LGSN: variants seen among roughly 807,000 people sequenced by gnomAD.
LGSN encodes the protein lengsin, lens protein with glutamine synthetase domain.
A neutral mutation model predicts 19.5 loss-of-function variants in LGSN; 21 were observed. The ratio of observed to expected loss-of-function variants is 1.07; its 90% confidence interval spans 0.76 to 1.55. The LOEUF is 1.55. Among genes scored for constraint, LGSN ranks in the 40% most tolerant of loss-of-function variants. The pLI, the probability that LGSN is intolerant of heterozygous loss-of-function variation, is 0.00. For missense variants in LGSN, 673 were observed against 608.5 expected, an observed-to-expected ratio of 1.11 and a Z score of -1.12; for synonymous variants, 257 against 215.6, an observed-to-expected ratio of 1.19 and a Z score of -1.68.
At chr6:63,364,551 T>C in the LGSN span, among the ~76,000 whole-genome samples, 7 of 152,034 alleles carry the variant, frequency 4.6e-5, no homozygotes, top group Non-Finnish European at 8.8e-5. Context: ...AACAAGGATA[T>C]CCAGGAATTG....
At chr6:63,513,444 G>A in the LGSN span, among the ~76,000 whole-genome samples, 2 of 151,972 alleles carry the variant, frequency 1.3e-5, no homozygotes, top group African/African-American at 4.8e-5. Context: ...GGGAGCCATG[G>A]ATAATGGTTA....
the LGSN span, chr6:63,441,821 C>T: frequency 1.6e-5 from 5 of 314,458 alleles, no homozygotes; most frequent in Admixed American, 2.1e-4. Flanking sequence ...GCTGCTGCTG[C>T]TGCTTTGTGC....
the LGSN span, among the ~76,000 whole-genome samples, chr6:63,506,598 A>T: frequency 6.6e-6 from 1 of 152,102 alleles, no homozygotes; most frequent in Non-Finnish European, 1.5e-5. Flanking sequence ...TTCCTTATTC[A>T]TTCTGTTCAC....
At chr6:63,384,089 TCACCCATAAACCACAAAC>T in the LGSN span, among the ~76,000 whole-genome samples, 1 of 152,120 alleles carries the variant, frequency 6.6e-6, no homozygotes, top group Non-Finnish European at 1.5e-5. Context: ...CCAACCCAAA[TCACCCATAAACCACAAAC>T]CTATGATGAT....
chr6:63,377,515 T>C, the LGSN span, among the ~76,000 whole-genome samples: 1 of 152,160 alleles, frequency 6.6e-6, no homozygotes, highest in South Asian at 2.1e-4. Flanking sequence ...CATGGTGTGA[T>C]AAGTGCAGGA....
At chr6:63,343,050 A>G in the LGSN span, among the ~76,000 whole-genome samples, 1 of 152,234 alleles carries the variant, frequency 6.6e-6, no homozygotes, top group East Asian at 1.9e-4. Flanking sequence ...TAATGACATT[A>G]TAAAATTTGT....
the LGSN span, among the ~76,000 whole-genome samples, chr6:63,484,542 T>A: frequency 6.6e-6 from 1 of 151,260 alleles, no homozygotes; most frequent in African/African-American, 2.4e-5. Context: ...AGAAAAAAAA[T>A]CCCAGAAGAC....
chr6:63,290,211 A>T (rs1338622873), intron 2 of LGSN, among the ~76,000 whole-genome samples: 1 of 152,218 alleles, frequency 6.6e-6, no homozygotes, highest in Non-Finnish European at 1.5e-5. Flanking sequence ...CTGAAGGCCT[A>T]TAGAGAACTT....
chr6:63,363,173 C>T, the LGSN span, among the ~76,000 whole-genome samples: 1 of 152,216 alleles, frequency 6.6e-6, no homozygotes, highest in Non-Finnish European at 1.5e-5. Flanking sequence ...TAAAGGACAT[C>T]TACACCAAAA....
the LGSN span, among the ~76,000 whole-genome samples, chr6:63,328,850 G>T: frequency 6.6e-6 from 1 of 152,308 alleles, no homozygotes; most frequent in East Asian, 1.9e-4. Flanking sequence ...GAGGAGCCTG[G>T]CTATCTCGCT....
the LGSN span, among the ~76,000 whole-genome samples, chr6:63,503,351 A>G: frequency 6.6e-6 from 1 of 152,230 alleles, no homozygotes; most frequent in Non-Finnish European, 1.5e-5. Flanking sequence ...ATCAGACTTC[A>G]TCGCCTGGAA....
intron 1 of LGSN, among the ~76,000 whole-genome samples, chr6:63,310,392 T>C (rs946989784): frequency 1.3e-5 from 2 of 152,118 alleles, no homozygotes; most frequent in African/African-American, 4.8e-5. Flanking sequence ...TATAATCTTT[T>C]GATATATGTA....
At chr6:63,394,193 G>A in the LGSN span, among the ~76,000 whole-genome samples, 1 of 152,126 alleles carries the variant, frequency 6.6e-6, no homozygotes, top group Non-Finnish European at 1.5e-5. Flanking sequence ...GAAACCAGGA[G>A]GCAGAGGTTG....
chr6:63,353,372 G>A, the LGSN span, among the ~76,000 whole-genome samples: 1 of 152,154 alleles, frequency 6.6e-6, no homozygotes, highest in South Asian at 2.1e-4. Context: ...TGCAGAAAAT[G>A]TTCCCATCCC....
chr6:63,499,724 T>A, the LGSN span, among the ~76,000 whole-genome samples: 1 of 152,116 alleles, frequency 6.6e-6, no homozygotes, highest in Non-Finnish European at 1.5e-5. Context: ...AGCCTTCTGC[T>A]GTAGGATACC....
At chr6:63,563,548 C>A in the LGSN span, among the ~76,000 whole-genome samples, 4 of 152,366 alleles carry the variant, frequency 2.6e-5, no homozygotes, top group South Asian at 8.3e-4. Context: ...ACCTCCTTCA[C>A]AGCACAGATT....
At chr6:63,462,431 G>A in the LGSN span, among the ~76,000 whole-genome samples, 25 of 152,032 alleles carry the variant, frequency 1.6e-4, no homozygotes, top group Admixed American at 3.3e-4. Flanking sequence ...TCAGGAGTTC[G>A]AGACCAGCCT....
the LGSN span, among the ~76,000 whole-genome samples, chr6:63,336,717 C>T: frequency 6.5e-4 from 98 of 150,948 alleles, no homozygotes; most frequent in African/African-American, 2.2e-3. Context: ...CCTCTGCCTC[C>T]CAAATTCAAG....
chr6:63,523,988 CT>C, the LGSN span, among the ~76,000 whole-genome samples: 13 of 148,846 alleles, frequency 8.7e-5, no homozygotes, highest in Non-Finnish European at 1.5e-4. Flanking sequence ...TATCAATAGG[CT>C]TTTTTTTTTC....
Sources: allele counts gnomAD v4.1 joint callset (sites outside exome capture counted in the v4.1 genomes callset), GRCh38; gene constraint gnomAD v4.1.1; transcripts MANE v1.5; gene names NCBI Gene and HGNC (gene_info 2026-07-23, HGNC 2026-07-21).